The following PARD3B variants were observed in gnomAD, a reference collection of about 807,000 sequenced individuals.
The protein encoded by PARD3B is par-3 family cell polarity regulator beta, also known as partitioning defective 3 homolog B.
PARD3B carries 103 observed loss-of-function variants against 130.2 expected under a neutral mutation model. That is an observed-to-expected ratio of 0.79 (90% CI 0.67 to 0.93). The LOEUF (loss-of-function observed/expected upper bound fraction) is 0.93. Among genes scored for constraint, PARD3B ranks in the 40% least tolerant of loss-of-function variants. The pLI is 0.00. For synonymous variants in PARD3B, 583 were observed against 553.2 expected (o/e 1.05, Z -0.76); for missense variants, 1,609 against 1,499.2 (o/e 1.07, Z -1.21).
At chr2:205,001,132 G>A (rs1482764765) in intron 3 of PARD3B, among the ~76,000 whole-genome samples, 3 of 152,094 alleles carry the variant, frequency 2.0e-5, no homozygotes, top group African/African-American at 7.2e-5. Flanking sequence ...GGGATTACAG[G>A]TGCCTGCAAC....
intron 11 of PARD3B, among the ~76,000 whole-genome samples, chr2:205,165,917 C>T (rs1376227433): frequency 2.0e-5 from 3 of 151,968 alleles, no homozygotes; most frequent in Non-Finnish European, 4.4e-5. Context: ...GGGCAGTATA[C>T]AGAACGTAAT....
At chr2:205,204,637 G>A (rs771589430) in intron 15 of PARD3B, among the ~76,000 whole-genome samples, 4 of 152,072 alleles carry the variant, frequency 2.6e-5, no homozygotes, top group Non-Finnish European at 5.9e-5. Context: ...AAAAATATAA[G>A]GAAGGAGTCC....
At position 204,610,096 on chromosome 2, in the gene PARD3B, T is replaced by C. The variant is rs1335368347; in HGVS notation, c.120+63977T>C. On this transcript the variant is annotated intron_variant, in intron 1 of 22. Transcript: ENST00000406610. The surrounding 1 kb of genome is among the most constrained non-coding windows in gnomAD (Gnocchi z 4.1). ...CAATTTCAATGTTAATGCTGGCCAG[T>C]TATGCCTAAACTCCCAGAGAGAAGA... is the stretch of plus-strand genomic sequence containing the variant. Among the ~76,000 whole-genome samples, 1 of 152,030 alleles carries C rather than the reference T, an allele frequency of 6.6e-6. No individual in the cohort carries two copies. Among genetic ancestry groups the C allele is most frequent in the African/African-American group, 2.4e-5 (1 of 41,406 alleles).
At chr2:205,019,210 T>C (rs1471068837) in intron 3 of PARD3B, among the ~76,000 whole-genome samples, 2 of 152,150 alleles carry the variant, frequency 1.3e-5, no homozygotes, top group Non-Finnish European at 2.9e-5. Flanking sequence ...AATATGAACA[T>C]TTCATGTAAA....
chr2:204,802,982 GTATAA>G (rs1479200920), intron 2 of PARD3B, among the ~76,000 whole-genome samples: 1 of 138,208 alleles, frequency 7.2e-6, no homozygotes, highest in East Asian at 2.0e-4. Flanking sequence ...AGAAACTAAA[GTATAA>G]TAATAATAAT....
In PARD3B at chr2:205,121,052, C is replaced by G. The variant is rs1397076841; in HGVS notation, c.807-539C>G. Among the ~76,000 whole-genome samples the G allele has an allele frequency of 2.6e-5, 4 of 152,148 alleles. No individual in the cohort carries two copies. Among genetic ancestry groups the G allele is most frequent in the African/African-American group, 7.2e-5 (3 of 41,434 alleles). On this transcript the variant is annotated intron_variant, in intron 7 of 22. Coordinates refer to ENST00000406610, the MANE Select transcript of PARD3B (RefSeq NM_001302769.2). This position sits in a 1 kb window ranked among gnomAD's most constrained non-coding sequence, Gnocchi z 5.0. ...TTCCACTGAGACATTTTGGCACAGCCAAAGCACCTGCCAAAATGTCTCCAT... is the reference window on the plus strand; with the variant it reads ...TTCCACTGAGACATTTTGGCACAGCGAAAGCACCTGCCAAAATGTCTCCAT...
At position 205,146,704 on chromosome 2, in the gene PARD3B, A is replaced by G. The variant is rs978740451; in HGVS notation, c.1435-12018A>G. Among the ~76,000 whole-genome samples the G allele has an allele frequency of 1.3e-5, 2 of 152,048 alleles. No individual in the cohort carries two copies. The highest frequency in any genetic ancestry group is 1.3e-4 in the Admixed American group (2 of 15,254). On this transcript the variant is annotated intron_variant, in intron 10 of 22. Transcript: ENST00000406610. This position sits in a 1 kb window ranked among gnomAD's most constrained non-coding sequence, Gnocchi z 4.3. ...TTGTTCCTGAATCTTATGTTCATAT[A>G]AAAGGACACATTCTTTTTTTATTTT... is the stretch of plus-strand genomic sequence containing the variant.
At chr2:204,940,042 A>G (rs1385818268) in intron 2 of PARD3B, among the ~76,000 whole-genome samples, 2 of 152,224 alleles carry the variant, frequency 1.3e-5, no homozygotes, top group Non-Finnish European at 2.9e-5. Flanking sequence ...TTGCTTTCAC[A>G]ATGATCCTTT....
intron 2 of PARD3B, among the ~76,000 whole-genome samples, chr2:204,712,575 C>T (rs2038503122): frequency 1.4e-5 from 2 of 141,670 alleles, no homozygotes; most frequent in South Asian, 4.5e-4. Context: ...GATCACGCCA[C>T]TGCACTTTAG....
intron 2 of PARD3B, among the ~76,000 whole-genome samples, chr2:204,712,528 A>G (rs1357887044): frequency 6.7e-6 from 1 of 150,036 alleles, no homozygotes; most frequent in African/African-American, 2.4e-5. Context: ...GCAGGAGAAT[A>G]GCTTGAACCC....
chr2:205,382,027 A>C (rs1423748207), intron 18 of PARD3B, among the ~76,000 whole-genome samples: 1 of 152,086 alleles, frequency 6.6e-6, no homozygotes, highest in Non-Finnish European at 1.5e-5. Flanking sequence ...CCAATGTTAA[A>C]ATAGTGCGTA....
rs543081556 is a variant in PARD3B at position 205,100,291 on chromosome 2, C to T, written c.505-4135C>T. Among the ~76,000 whole-genome samples, 4 of 152,148 alleles carry T rather than the reference C, an allele frequency of 2.6e-5. No homozygotes were observed. In the East Asian group the frequency reaches 5.8e-4, roughly 22 times the overall value. On this transcript the variant is annotated intron_variant, in intron 4 of 22. Coordinates refer to ENST00000406610, the MANE Select transcript of PARD3B (RefSeq NM_001302769.2). ...AATATCAGTTTTTTTCTTTGACACT[C>T]TGAGGATACATCCCATACAGAATTA...
In PARD3B at chr2:205,264,973, T is replaced by A. The variant is rs543817822; in HGVS notation, c.2185+19151T>A. ...GATCATAAATCTTAGTTTGCCTACT[T>A]CTTGCTTGTGTTTGTTGGCATTAAT... is the stretch of plus-strand genomic sequence containing the variant. On this transcript the variant is annotated intron_variant, in intron 16 of 22. Transcript: ENST00000406610. Among the ~76,000 whole-genome samples the A allele has an allele frequency of 6.6e-5, 10 of 151,362 alleles. No homozygotes were observed. In the South Asian group the frequency reaches 2.1e-3, roughly 32 times the overall value.
At chr2:205,047,524 T>C in intron 3 of PARD3B, 57 bp from the exon 4 acceptor site, 1 of 1,084,710 alleles carries the variant, frequency 9.2e-7, no homozygotes, top group East Asian at 2.6e-5. Flanking sequence ...CATTGTGTCA[T>C]GCACTCTCTT....
intron 19 of PARD3B, among the ~76,000 whole-genome samples, chr2:205,411,726 G>T (rs1183628991): frequency 6.6e-6 from 1 of 152,130 alleles, no homozygotes; most frequent in Admixed American, 6.5e-5. Flanking sequence ...CCAGCTGGGA[G>T]TCATGCCAGA....
At chr2:204,823,426 A>G (rs2043443609) in intron 2 of PARD3B, among the ~76,000 whole-genome samples, 1 of 151,994 alleles carries the variant, frequency 6.6e-6, no homozygotes, top group South Asian at 2.1e-4. Context: ...TATGTATTAC[A>G]TGTACTATGG....
At chr2:205,427,252 T>C (rs2106114653) in intron 19 of PARD3B, among the ~76,000 whole-genome samples, 1 of 152,360 alleles carries the variant, frequency 6.6e-6, no homozygotes, top group Non-Finnish European at 1.5e-5. Context: ...CCAGCAATCC[T>C]GCTTCTGTGA....
chr2:204,743,307 ATC>A (rs1340571666), intron 2 of PARD3B, among the ~76,000 whole-genome samples: 3 of 152,106 alleles, frequency 2.0e-5, no homozygotes, highest in Non-Finnish European at 2.9e-5. Flanking sequence ...TTAAATATTA[ATC>A]TCTCTTTTGA....
chr2:204,595,185 A>G (rs747758340), intron 1 of PARD3B, among the ~76,000 whole-genome samples: 22 of 152,166 alleles, frequency 1.4e-4, no homozygotes, highest in Non-Finnish European at 2.5e-4. Context: ...CTGCTTAAGA[A>G]GTCATCACCT....
Sources: gnomAD v4.1 joint callset for allele counts (sites outside exome capture counted in the v4.1 genomes callset) on GRCh38, gnomAD v4.1.1 for gene constraint, Gnocchi (gnomAD v3.1) non-coding constraint, MANE v1.5 for transcripts, NCBI Gene and HGNC (gene_info 2026-07-23, HGNC 2026-07-21) for gene names.